The following ACADM variants were observed in gnomAD, a reference collection of about 807,000 sequenced individuals.
The protein encoded by ACADM is acyl-CoA dehydrogenase medium chain.
A neutral mutation model predicts 58.9 loss-of-function variants in ACADM; 49 were observed. The observed-to-expected ratio is 0.83, with a 90% CI of 0.66 to 1.06. The LOEUF (loss-of-function observed/expected upper bound fraction) is 1.06, where lower values mean the gene tolerates loss of function less well. ACADM is among the 50% of genes least tolerant of loss of function. ACADM has a pLI of 0.00. For missense variants in ACADM, 496 were observed against 507.0 expected (o/e 0.98, Z 0.21); for synonymous variants, 160 against 157.7 (o/e 1.01, Z -0.11).
chr1:75,749,929 T>A (rs1365527286), intron 9 of ACADM, among the ~76,000 whole-genome samples: 1 of 152,064 alleles, frequency 6.6e-6, no homozygotes, highest in South Asian at 2.1e-4. Flanking sequence ...GCCAGGATGG[T>A]CTCGATCTCT....
At chr1:75,730,644 G>A (rs2100355375) in intron 2 of ACADM, among the ~76,000 whole-genome samples, 1 of 151,502 alleles carries the variant, frequency 6.6e-6, no homozygotes, top group South Asian at 2.1e-4. Context: ...AGCTTCCTGA[G>A]CAGTTAGGAC....
At chr1:75,732,513 G>T in intron 2 of ACADM, 131 bp from the exon 3 acceptor site, 1 of 768,874 alleles carries the variant, frequency 1.3e-6, no homozygotes, top group Admixed American at 1.9e-5. Context: ...GTCAAAAAAT[G>T]CACTGTAGTC....
intron 5 of ACADM, among the ~76,000 whole-genome samples, chr1:75,734,412 T>C (rs886072846): frequency 2.0e-5 from 3 of 151,480 alleles, no homozygotes; most frequent in African/African-American, 7.3e-5. Flanking sequence ...CTTGACCTCG[T>C]AATCCGCCCA....
chr1:75,736,337 A>C (rs1393739397), intron 6 of ACADM, among the ~76,000 whole-genome samples: 1 of 152,234 alleles, frequency 6.6e-6, no homozygotes, highest in Non-Finnish European at 1.5e-5. Context: ...ATGAGAATTC[A>C]TCTTAAAGAA....
chr1:75,743,852 C>T (rs1256509763), intron 7 of ACADM: 2 of 1,409,992 alleles, frequency 1.4e-6, no homozygotes, highest in African/African-American at 2.8e-5. Context: ...CTATATACCA[C>T]CTCTTTGGTT....
At chr1:75,760,264 C>CAAAAAAAAAAAA (rs764807575) in intron 10 of ACADM, among the ~76,000 whole-genome samples, 37 of 51,140 alleles carry the variant, frequency 7.2e-4, no homozygotes, top group Non-Finnish European at 1.1e-3. Flanking sequence ...ACTAAAAATA[C>CAAAAAAAAAAAA]AAAAAAAAAA....
chr1:75,739,911 C>A, intron 6 of ACADM, 69 bp from the exon 7 acceptor site: 9 of 1,135,956 alleles, frequency 7.9e-6, no homozygotes, highest in South Asian at 5.0e-5. Context: ...TAAAACAATC[C>A]TGTTTCCAAA....
intron 10 of ACADM, among the ~76,000 whole-genome samples, chr1:75,758,055 CT>C (rs573854152): frequency 2.2e-4 from 33 of 151,362 alleles, no homozygotes; most frequent in Non-Finnish European, 3.7e-4. Context: ...AATTTTTTTA[CT>C]TTTTTTTTAA....
chr1:75,752,264 C>T (rs878865527), intron 10 of ACADM, among the ~76,000 whole-genome samples: 1 of 152,132 alleles, frequency 6.6e-6, no homozygotes, highest in Admixed American at 6.6e-5. Context: ...TTCCTATCTC[C>T]ATTTGTCAGT....
chr1:75,757,258 A>C lies in ACADM; in HGVS notation c.946-3864A>C, dbSNP rs533190808. 4.6e-5 allele frequency among the ~76,000 whole-genome samples: 7 copies of C among 152,342 alleles called. No individual in the cohort carries two copies. The East Asian group carries it at 1.4e-3, about 29-fold the overall frequency. ...CTGCACAGCAAAAGAAACTACCATC[A>C]GAGTGAACAGGCAACCTACAGAATG... On this transcript the variant is annotated intron_variant, in intron 10 of 11. Coordinates refer to ENST00000370841, the MANE Select transcript of ACADM (RefSeq NM_000016.6).
chr1:75,746,368 C>T (rs1204252163), intron 8 of ACADM, among the ~76,000 whole-genome samples: 1 of 151,854 alleles, frequency 6.6e-6, no homozygotes, highest in East Asian at 1.9e-4. Flanking sequence ...AAGTCTATGC[C>T]TGAAAAGAGT....
At chr1:75,737,408 G>T (rs1220828269) in intron 6 of ACADM, among the ~76,000 whole-genome samples, 3 of 147,066 alleles carry the variant, frequency 2.0e-5, no homozygotes, top group African/African-American at 7.6e-5. Context: ...AAAAAAACAG[G>T]CTCATTTACT....
At chr1:75,730,299 T>A (rs1413268682) in intron 2 of ACADM, among the ~76,000 whole-genome samples, 1 of 152,186 alleles carries the variant, frequency 6.6e-6, no homozygotes, top group East Asian at 1.9e-4. Flanking sequence ...TCTATGGTGG[T>A]TCACTGAGTG....
chr1:75,754,288 A>G (rs1185984059), intron 10 of ACADM, among the ~76,000 whole-genome samples: 1 of 150,880 alleles, frequency 6.6e-6, no homozygotes, highest in Non-Finnish European at 1.5e-5. Context: ...GCTCCCTGCA[A>G]CCTCTGCCCC....
At chr1:75,756,602 G>C (rs934191739) in intron 10 of ACADM, among the ~76,000 whole-genome samples, 1 of 152,198 alleles carries the variant, frequency 6.6e-6, no homozygotes, top group Admixed American at 6.5e-5. Flanking sequence ...CTCATGGGTA[G>C]GAAGAATCAA....
At chr1:75,753,230 T>G (rs1334475051) in intron 10 of ACADM, among the ~76,000 whole-genome samples, 2 of 152,166 alleles carry the variant, frequency 1.3e-5, no homozygotes. Flanking sequence ...GATTCTCAGT[T>G]TTAGCCCCTT....
At chr1:75,754,300 G>A (rs914823134) in intron 10 of ACADM, among the ~76,000 whole-genome samples, 11 of 149,136 alleles carry the variant, frequency 7.4e-5, no homozygotes, top group African/African-American at 2.5e-4. Context: ...CTCTGCCCCC[G>A]GGGTTCAAGT....
intron 7 of ACADM, chr1:75,745,593 G>T: frequency 1.8e-6 from 1 of 569,788 alleles, no homozygotes. Flanking sequence ...ATGGGGGAGG[G>T]CCTACTGTGT....
chr1:75,725,201 T>G (rs1045363177), intron 1 of ACADM, among the ~76,000 whole-genome samples: 2 of 152,020 alleles, frequency 1.3e-5, no homozygotes, highest in Non-Finnish European at 2.9e-5. Context: ...ACTTAATGTT[T>G]AATAAGCTTT....
Sources: gnomAD v4.1 joint callset for allele counts (sites outside exome capture counted in the v4.1 genomes callset) on GRCh38, gnomAD v4.1.1 for gene constraint, MANE v1.5 for transcripts, NCBI Gene and HGNC (gene_info 2026-07-23, HGNC 2026-07-21) for gene names.